The following FAM227B variants were observed in gnomAD, a reference collection of about 807,000 sequenced individuals.
FAM227B encodes family with sequence similarity 227 member B, also known as protein FAM227B.
A neutral mutation model predicts 73.8 loss-of-function variants in FAM227B; 88 were observed. The ratio of observed to expected loss-of-function variants is 1.19; its 90% CI spans 1.00 to 1.42. FAM227B has a LOEUF of 1.42. Ranked by LOEUF, FAM227B falls within the 40% of genes most tolerant of loss-of-function variation. The pLI is 0.00. For missense variants in FAM227B, 632 were observed against 590.9 expected (o/e 1.07, Z -0.72); for synonymous variants, 210 against 190.5 (o/e 1.10, Z -0.84).
intron 11 of FAM227B, among the ~76,000 whole-genome samples, chr15:49,430,519 A>G (rs2050512911): frequency 6.6e-6 from 1 of 151,856 alleles, no homozygotes; most frequent in Admixed American, 6.6e-5. Context: ...CTTTGTGTTG[A>G]TATAAGAGAA....
At chr15:49,484,267 A>T (rs2056209822) in intron 11 of FAM227B, 1 of 1,467,340 alleles carries the variant, frequency 6.8e-7, no homozygotes, top group Admixed American at 1.9e-5. Flanking sequence ...AGCCTCTCTA[A>T]AAATCATTTG....
At chr15:49,335,269 C>G in intron 14 of FAM227B, 150 bp downstream of exon 14, 1 of 583,374 alleles carries the variant, frequency 1.7e-6, no homozygotes. Flanking sequence ...ACACCCTTGA[C>G]ACTTACCTGA....
intron 13 of FAM227B, among the ~76,000 whole-genome samples, chr15:49,351,045 C>T (rs115349473): frequency 2.7e-3 from 416 of 152,286 alleles, no homozygotes; most frequent in African/African-American, 8.8e-3. Context: ...CTCAACCATA[C>T]GCTGTGGTTT....
intron 1 of FAM227B, among the ~76,000 whole-genome samples, chr15:49,615,618 G>C (rs371488792): frequency 1.3e-5 from 2 of 152,092 alleles, no homozygotes; most frequent in African/African-American, 4.8e-5. Flanking sequence ...AGTTTCCTGA[G>C]GCCTCCCCAG....
chr15:49,516,607 T>G (rs932362309), intron 10 of FAM227B, among the ~76,000 whole-genome samples: 1 of 151,930 alleles, frequency 6.6e-6, no homozygotes, highest in African/African-American at 2.4e-5. Flanking sequence ...CAGGTTTTAA[T>G]TTTACTTTTT....
chr15:49,397,393 G>A (rs1465392053), intron 11 of FAM227B, among the ~76,000 whole-genome samples: 1 of 152,116 alleles, frequency 6.6e-6, no homozygotes, highest in African/African-American at 2.4e-5. Flanking sequence ...GAAAGTGATG[G>A]GGAGAATGGA....
chr15:49,508,126 AATC>A (rs2058714246), intron 11 of FAM227B, 82 bp downstream of exon 11: 1 of 1,430,414 alleles, frequency 7.0e-7, no homozygotes, highest in Non-Finnish European at 9.5e-7. Flanking sequence ...CAAAAACATA[AATC>A]ATTAGAAAAT....
At chr15:49,352,189 C>A (rs1436826552) in intron 13 of FAM227B, among the ~76,000 whole-genome samples, 1 of 152,176 alleles carries the variant, frequency 6.6e-6, no homozygotes. Context: ...CAAGAGCAAG[C>A]ATCCCAAAAG....
At chr15:49,436,816 C>T (rs755033809) in intron 11 of FAM227B, among the ~76,000 whole-genome samples, 5 of 151,626 alleles carry the variant, frequency 3.3e-5, no homozygotes, top group South Asian at 2.1e-4. Flanking sequence ...ATTAAAACAT[C>T]GCATATTACT....
At chr15:49,406,505 G>A (rs1332111824) in intron 11 of FAM227B, among the ~76,000 whole-genome samples, 1 of 151,996 alleles carries the variant, frequency 6.6e-6, no homozygotes, top group Non-Finnish European at 1.5e-5. Context: ...TCAGGGTGGG[G>A]GAGGGTCTGC....
At chr15:49,393,684 T>C (rs1035027626) in intron 11 of FAM227B, among the ~76,000 whole-genome samples, 2 of 152,092 alleles carry the variant, frequency 1.3e-5, no homozygotes, top group African/African-American at 2.4e-5. Context: ...AGGCTGGTCA[T>C]TCCAAATTCT....
intron 10 of FAM227B, among the ~76,000 whole-genome samples, chr15:49,516,298 T>G (rs980760507): frequency 6.6e-6 from 1 of 152,132 alleles, no homozygotes; most frequent in African/African-American, 2.4e-5. Context: ...GGGCAACTTC[T>G]CTTTTATCCG....
At chr15:49,531,311 C>A (rs112619018) in intron 10 of FAM227B, among the ~76,000 whole-genome samples, 1,764 of 151,734 alleles carry the variant, frequency 0.012, 37 homozygotes, top group African/African-American at 0.041. Context: ...GCACACCCTA[C>A]AGATTTGTGT....
chr15:49,327,389 C>CT lies in FAM227B; in HGVS notation c.*1178dup, dbSNP rs2037696204. 1 of 152,178 alleles carries CT rather than the reference C, an allele frequency of 6.6e-6. No individual in the cohort carries two copies. Among genetic ancestry groups the CT allele is most frequent in the Admixed American group, 6.5e-5 (1 of 15,270 alleles). The allele number at this position is 152,178 out of a possible 1,614,324, so 9.4% of individuals were successfully genotyped here. A position where few individuals can be genotyped will look rare whatever the true frequency, so the allele number is the denominator to read the frequency against. ...ACCCAACCTGGAGTTTAATAACACGCTTTTTGTTGATAAGTTTATTCAGTG... is the reference window on the plus strand; with the variant it reads ...ACCCAACCTGGAGTTTAATAACACGCTTTTTTGTTGATAAGTTTATTCAGTG... On this transcript the variant is annotated 3_prime_UTR_variant, in exon 16 of 16. Coordinates refer to ENST00000299338, the MANE Select transcript of FAM227B (RefSeq NM_152647.3).
intron 11 of FAM227B, among the ~76,000 whole-genome samples, chr15:49,426,442 A>C (rs1299469346): frequency 6.6e-6 from 1 of 151,942 alleles, no homozygotes; most frequent in Non-Finnish European, 1.5e-5. Context: ...TCCTTTTACC[A>C]AGTAATGAAA....
intron 11 of FAM227B, among the ~76,000 whole-genome samples, chr15:49,477,183 A>G (rs1346535415): frequency 6.6e-6 from 1 of 152,232 alleles, no homozygotes; most frequent in East Asian, 1.9e-4. Context: ...AGATGAGCCA[A>G]TATTTATTTA....
intron 13 of FAM227B, chr15:49,343,578 G>T (rs747942946): frequency 5.3e-5 from 8 of 152,190 alleles, no homozygotes; most frequent in Non-Finnish European, 1.0e-4. Context: ...ATCCCAGGAA[G>T]TTTCTTCCCA....
intron 10 of FAM227B, among the ~76,000 whole-genome samples, chr15:49,512,138 T>C (rs981669727): frequency 6.6e-6 from 1 of 152,116 alleles, no homozygotes; most frequent in African/African-American, 2.4e-5. Flanking sequence ...CACATATTTT[T>C]AATTTTCAAC....
At chr15:49,371,156 C>A in intron 12 of FAM227B, 146 bp downstream of exon 12, 1 of 424,898 alleles carries the variant, frequency 2.4e-6, no homozygotes, top group South Asian at 5.7e-5. Flanking sequence ...AAACCTCAAA[C>A]AAATCTCTTT....
Sources: gnomAD v4.1 joint callset for allele counts (sites outside exome capture counted in the v4.1 genomes callset) on GRCh38, gnomAD v4.1.1 for gene constraint, MANE v1.5 for transcripts, NCBI Gene and HGNC (gene_info 2026-07-23, HGNC 2026-07-21) for gene names.